The following DEPDC7 variants were observed in gnomAD, a reference collection of about 807,000 sequenced individuals.
DEPDC7 encodes DEP domain-containing protein 7.
A neutral mutation model predicts 56.6 loss-of-function variants in DEPDC7; 41 were observed. That is an observed-to-expected ratio of 0.72 (90% CI 0.56 to 0.94). The LOEUF (loss-of-function observed/expected upper bound fraction) is 0.94. Among genes scored for constraint, DEPDC7 ranks in the 40% least tolerant of loss-of-function variants. The probability of loss-of-function intolerance (pLI) is 0.00; values close to 1 mark genes in which losing one functional copy is unlikely to be tolerated. For synonymous variants in DEPDC7, 185 were observed against 208.8 expected (o/e 0.89, Z 0.98); for missense variants, 522 against 596.3 (o/e 0.88, Z 1.30).
intron 3 of DEPDC7, 22 bp from the exon 4 acceptor site, chr11:33,028,581 C>T (rs1564965196): frequency 7.7e-6 from 12 of 1,553,600 alleles, no homozygotes; most frequent in Non-Finnish European, 1.0e-5. Context: ...TTACTTTTCA[C>T]CTTGTCATTT....
chr11:33,016,220 G>T, intron 1 of DEPDC7, 192 bp downstream of exon 1: 1 of 1,304,998 alleles, frequency 7.7e-7, no homozygotes, highest in Non-Finnish European at 9.7e-7. Flanking sequence ...TTCCTCTCTG[G>T]CTGGTGGGCT....
At position 33,016,448 on chromosome 11, in the gene DEPDC7, G is replaced by A. The variant is rs945485173; in HGVS notation, c.73+420G>A. On this transcript the variant is annotated intron_variant, in intron 1 of 8. Transcript: ENST00000241051. ...CCACAAACCTTGACGACACAGTATGGCCAGGGGCCGAGCTCCTCCCTTGCC... is the reference window on the plus strand; with the variant it reads ...CCACAAACCTTGACGACACAGTATGACCAGGGGCCGAGCTCCTCCCTTGCC... 9 of 1,587,564 alleles carry A rather than the reference G, an allele frequency of 5.7e-6. No individual in the cohort carries two copies. The African/African-American group carries it at 1.1e-4, about 19-fold the overall frequency.
chr11:33,018,567 G>A (rs953556504), intron 1 of DEPDC7, among the ~76,000 whole-genome samples: 1 of 152,086 alleles, frequency 6.6e-6, no homozygotes, highest in Admixed American at 6.6e-5. Context: ...CCAGGTAGTA[G>A]GAGTAAATAA....
At chr11:33,019,548 C>G (rs1043055115) in intron 1 of DEPDC7, among the ~76,000 whole-genome samples, 2 of 151,926 alleles carry the variant, frequency 1.3e-5, no homozygotes, top group Non-Finnish European at 2.9e-5. Flanking sequence ...CACCTGTAAT[C>G]CCAGCTACTC....
intron 1 of DEPDC7, among the ~76,000 whole-genome samples, chr11:33,016,928 A>T (rs549866359): frequency 6.6e-6 from 1 of 152,116 alleles, no homozygotes; most frequent in Admixed American, 6.5e-5. Context: ...ATGTCGTAGG[A>T]ATTAGTTCCC....
intron 1 of DEPDC7, among the ~76,000 whole-genome samples, chr11:33,023,193 G>A (rs919768726): frequency 2.0e-5 from 3 of 150,558 alleles, no homozygotes; most frequent in African/African-American, 7.3e-5. Context: ...TCACGCCACT[G>A]CACTCCAGCC....
intron 1 of DEPDC7, among the ~76,000 whole-genome samples, chr11:33,025,216 C>G (rs183404785): frequency 6.6e-6 from 1 of 152,170 alleles, no homozygotes; most frequent in Admixed American, 6.6e-5. Flanking sequence ...GGCATTTGCT[C>G]TTTCCCCAGA....
In DEPDC7 at chr11:33,032,929, T is replaced by A. The variant is rs373073447; in HGVS notation, c.1304T>A (p.Met435Lys). 1.5e-5 allele frequency: 24 copies of A among 1,606,538 alleles called. No individual in the cohort carries two copies. The African/African-American group carries it at 3.1e-4, about 21-fold the overall frequency. ...TLHKIVSVKLMAIQNGRDPNR... is the reference protein window; with the variant it reads ...TLHKIVSVKLKAIQNGRDPNR... ...CATAAAATTGTAAGTGTTAAGCTTA[T>A]GGCCATACAGAACGGAAGAGATCCA... Residue 435 changes from methionine to lysine, a missense_variant, in exon 8 of 9, where the codon ATG becomes AAG. Transcript: ENST00000241051.
intron 1 of DEPDC7, among the ~76,000 whole-genome samples, chr11:33,022,588 ATT>A (rs1853534169): frequency 6.6e-6 from 1 of 152,242 alleles, no homozygotes; most frequent in South Asian, 2.1e-4. Context: ...GATTTGAAAA[ATT>A]AAGCAGAAAT....
At chr11:33,031,934 C>T (rs1349635916) in intron 5 of DEPDC7, among the ~76,000 whole-genome samples, 1 of 152,196 alleles carries the variant, frequency 6.6e-6, no homozygotes, top group African/African-American at 2.4e-5. Context: ...CTTTGTCTCT[C>T]TACCAATGAG....
intron 1 of DEPDC7, among the ~76,000 whole-genome samples, chr11:33,023,914 A>G (rs1457975066): frequency 6.6e-6 from 1 of 152,138 alleles, no homozygotes; most frequent in Non-Finnish European, 1.5e-5. Context: ...TCCTTTCTAG[A>G]CGATCTTAAA....
rs776124820 is a variant in DEPDC7 at position 33,031,556 on chromosome 11, T to A, written c.961T>A (p.Ser321Thr). The A allele has an allele frequency of 6.2e-7, 1 of 1,613,982 alleles. No homozygotes were observed. Among genetic ancestry groups the A allele is most frequent in the East Asian group, 2.2e-5 (1 of 44,874 alleles). Reference protein sequence around the residue: ...SSREPLLNHLSDVHNGIAELL... With the variant: ...SSREPLLNHLTDVHNGIAELL... ...TAGGGAACCTCTGTTAAATCACTTATCTGACGTTCATAATGGAATTGCAGA... is the reference window on the plus strand; with the variant it reads ...TAGGGAACCTCTGTTAAATCACTTAACTGACGTTCATAATGGAATTGCAGA... The change falls in exon 5 of 9, where the codon TCT becomes ACT. Residue 321 changes from serine to threonine, a missense_variant. By Grantham distance (58) the Ser-to-Thr change is moderately conservative. Transcript: ENST00000241051.
Position 33,026,007 on chromosome 11 carries a change from ACAGT to A in DEPDC7, c.427_430del (p.Gln143Ter), listed in dbSNP as rs780285915. 6.2e-7 allele frequency: 1 copy of A among 1,614,058 alleles called. No homozygotes were observed. The highest frequency in any genetic ancestry group is 8.5e-7 in the Non-Finnish European group (1 of 1,179,984). ...AGATTCACCACAATACCTAACCAAG[ACAGT>A]CAGTTAGGCAAAGAGAACAAACTAT... is the stretch of plus-strand genomic sequence containing the variant. On this transcript the variant is annotated frameshift_variant, in exon 2 of 9. Transcript: ENST00000241051. LOFTEE classifies it high-confidence loss of function.
intron 1 of DEPDC7, chr11:33,016,367 T>TACCGGTGAC: frequency 1.4e-6 from 2 of 1,439,678 alleles, no homozygotes; most frequent in East Asian, 2.5e-5. Flanking sequence ...TCCGCGGTGC[T>TACCGGTGAC]ACCGGTGACA....
rs137971185 is a variant in DEPDC7 at position 33,023,007 on chromosome 11, C to T, written c.74-2652C>T. On this transcript the variant is annotated intron_variant, in intron 1 of 8. Coordinates refer to ENST00000241051, the MANE Select transcript of DEPDC7 (RefSeq NM_001077242.2). ...TTGGGAGGCCTAGGTGGGTGGATCACGAGGTCAGGAGATCGAGACCATCCT... is the reference window on the plus strand; with the variant it reads ...TTGGGAGGCCTAGGTGGGTGGATCATGAGGTCAGGAGATCGAGACCATCCT... 3.5e-4 allele frequency among the ~76,000 whole-genome samples: 53 copies of T among 151,996 alleles called. No individual in the cohort carries two copies. The East Asian group carries it at 8.5e-3, about 24-fold the overall frequency.
rs1564966225 is a variant in DEPDC7 at position 33,031,556 on chromosome 11, TC to T, written c.962del (p.Ser321LeufsTer11). The T allele has an allele frequency of 1.2e-6, 2 of 1,613,982 alleles. No homozygotes were observed. Among genetic ancestry groups the T allele is most frequent in the Non-Finnish European group, 1.7e-6 (2 of 1,179,828 alleles). On this transcript the variant is annotated frameshift_variant, in exon 5 of 9. Transcript: ENST00000241051. LOFTEE classifies it high-confidence loss of function. ...SSREPLLNHLSDVHNGIAELL... is the reference protein window; with the variant it reads ...SSREPLLNHLXDVHNGIAELL... ...TAGGGAACCTCTGTTAAATCACTTA[TC>T]TGACGTTCATAATGGAATTGCAGAA... is the stretch of plus-strand genomic sequence containing the variant.
intron 1 of DEPDC7, among the ~76,000 whole-genome samples, chr11:33,020,817 T>C (rs533525568): frequency 2.7e-3 from 406 of 152,358 alleles, no homozygotes; most frequent in Non-Finnish European, 4.5e-3. Flanking sequence ...AGTTTAGACC[T>C]GAAACTAACC....
At chr11:33,033,144 T>G in intron 8 of DEPDC7, 118 bp from the exon 9 acceptor site, 1 of 905,828 alleles carries the variant, frequency 1.1e-6, no homozygotes, top group Non-Finnish European at 1.7e-6. Context: ...GCTTACCATC[T>G]TCAGTGCATA....
intron 4 of DEPDC7, among the ~76,000 whole-genome samples, chr11:33,029,509 A>G (rs1329894385): frequency 6.6e-6 from 1 of 151,600 alleles, no homozygotes; most frequent in Non-Finnish European, 1.5e-5. Context: ...AAAAAAAAAA[A>G]AATGAAAGTA....
Sources: gnomAD v4.1 joint callset for allele counts (sites outside exome capture counted in the v4.1 genomes callset) on GRCh38, gnomAD v4.1.1 for gene constraint, MANE v1.5 for transcripts, NCBI Gene and HGNC (gene_info 2026-07-23, HGNC 2026-07-21) for gene names.